CADM2: variants seen among roughly 807,000 people sequenced by gnomAD.
CADM2 encodes the protein immunoglobulin superfamily member 4D.
A neutral mutation model predicts 49.8 loss-of-function variants in CADM2; 12 were observed. That is an observed-to-expected ratio of 0.24 (90% CI 0.15 to 0.39). CADM2 has a LOEUF of 0.39. Among genes scored for constraint, CADM2 ranks in the 10% least tolerant of loss-of-function variants. The pLI, the probability that CADM2 is intolerant of heterozygous loss-of-function variation, is 1.00. For missense variants in CADM2, 378 were observed against 492.3 expected (o/e 0.77, Z 2.20); for synonymous variants, 214 against 175.4 (o/e 1.22, Z -1.74).
intron 8 of CADM2, among the ~76,000 whole-genome samples, chr3:86,016,490 G>C (rs1293811367): frequency 1.3e-5 from 2 of 152,102 alleles, no homozygotes; most frequent in Non-Finnish European, 2.9e-5. Context: ...TGAAATAAGA[G>C]GAAAATATAA....
chr3:85,413,862 G>C (rs2035790891), intron 1 of CADM2, among the ~76,000 whole-genome samples: 1 of 151,216 alleles, frequency 6.6e-6, no homozygotes, highest in African/African-American at 2.5e-5. Context: ...AAACTGGCTA[G>C]CTATTTTAAT....
At chr3:85,817,525 G>A (rs960149800) in intron 3 of CADM2, among the ~76,000 whole-genome samples, 12 of 152,156 alleles carry the variant, frequency 7.9e-5, no homozygotes, top group Non-Finnish European at 1.8e-4. Context: ...CTGTGGGGAT[G>A]ATGATCAGTT....
At chr3:85,459,042 A>G (rs2038120223) in intron 1 of CADM2, among the ~76,000 whole-genome samples, 1 of 152,214 alleles carries the variant, frequency 6.6e-6, no homozygotes, top group Non-Finnish European at 1.5e-5. Flanking sequence ...GTGTTATTGT[A>G]GACCAAATAA....
intron 3 of CADM2, among the ~76,000 whole-genome samples, chr3:85,802,772 G>A (rs1322747070): frequency 6.6e-6 from 1 of 151,984 alleles, no homozygotes; most frequent in African/African-American, 2.4e-5. Context: ...AATAGATTTT[G>A]ATTAAACATT....
At chr3:85,792,018 T>A (rs993513742) in intron 2 of CADM2, among the ~76,000 whole-genome samples, 1 of 152,174 alleles carries the variant, frequency 6.6e-6, no homozygotes, top group Non-Finnish European at 1.5e-5. Context: ...CCACCGCGCC[T>A]GGCCAGTTGA....
intron 1 of CADM2, among the ~76,000 whole-genome samples, chr3:85,043,873 A>G (rs1182854157): frequency 1.3e-5 from 2 of 152,152 alleles, no homozygotes; most frequent in Non-Finnish European, 2.9e-5. Flanking sequence ...AGAAGTATAT[A>G]TGAATGCTAC....
chr3:85,618,877 A>G (rs982417360), intron 1 of CADM2, among the ~76,000 whole-genome samples: 14 of 152,074 alleles, frequency 9.2e-5, no homozygotes, highest in African/African-American at 3.4e-4. Flanking sequence ...AGGAATTTAA[A>G]TAATTATTTT....
chr3:85,238,252 C>T (rs2042453692), intron 1 of CADM2, among the ~76,000 whole-genome samples: 1 of 151,920 alleles, frequency 6.6e-6, no homozygotes, highest in Non-Finnish European at 1.5e-5. Context: ...GCCATATTTA[C>T]ATTCTATAAA....
At chr3:85,779,859 G>T (rs2107988507) in intron 2 of CADM2, among the ~76,000 whole-genome samples, 1 of 152,128 alleles carries the variant, frequency 6.6e-6, no homozygotes, top group Admixed American at 6.6e-5. Flanking sequence ...GTTTTTATTA[G>T]GTGCCTTTAT....
chr3:85,135,313 C>G (rs1051297036), intron 1 of CADM2, among the ~76,000 whole-genome samples: 1 of 151,956 alleles, frequency 6.6e-6, no homozygotes, highest in East Asian at 1.9e-4. Flanking sequence ...ATCATAAATT[C>G]AAAATTCTCT....
At chr3:85,658,333 G>GT (rs2065273002) in intron 1 of CADM2, among the ~76,000 whole-genome samples, 1 of 151,030 alleles carries the variant, frequency 6.6e-6, no homozygotes, top group African/African-American at 2.4e-5. Context: ...ACATGAAACA[G>GT]GTTTTTCTTC....
chr3:85,334,653 G>T (rs1468736060), intron 1 of CADM2, among the ~76,000 whole-genome samples: 1 of 151,476 alleles, frequency 6.6e-6, no homozygotes, highest in South Asian at 2.1e-4. Context: ...ATCTGTTAAA[G>T]AAGATTACAA....
chr3:85,639,260 A>G (rs2064627499), intron 1 of CADM2, among the ~76,000 whole-genome samples: 1 of 152,206 alleles, frequency 6.6e-6, no homozygotes, highest in Non-Finnish European at 1.5e-5. Context: ...TAATAGGTGA[A>G]TGTCTTTGAA....
chr3:85,416,044 G>A (rs1253348281), intron 1 of CADM2, among the ~76,000 whole-genome samples: 1 of 152,018 alleles, frequency 6.6e-6, no homozygotes, highest in Admixed American at 6.6e-5. Flanking sequence ...AAAAAATATT[G>A]AGGTTTTATA....
intron 1 of CADM2, among the ~76,000 whole-genome samples, chr3:85,404,187 A>C (rs1370687970): frequency 6.6e-6 from 1 of 152,086 alleles, no homozygotes; most frequent in Non-Finnish European, 1.5e-5. Context: ...AAAGATTAAA[A>C]ATTTATTGCC....
chr3:84,990,206 G>A (rs142012300), intron 1 of CADM2, among the ~76,000 whole-genome samples: 25 of 151,478 alleles, frequency 1.7e-4, no homozygotes, highest in East Asian at 1.2e-3. Flanking sequence ...AAGACTAAGC[G>A]TATTTACAAT....
chr3:85,007,035 G>A (rs1023354037), intron 1 of CADM2, among the ~76,000 whole-genome samples: 4 of 152,020 alleles, frequency 2.6e-5, no homozygotes, highest in Non-Finnish European at 5.9e-5. Flanking sequence ...TATTTACAGT[G>A]TATTTAGAGC....
chr3:85,557,164 G>A (rs1015943516), intron 1 of CADM2, among the ~76,000 whole-genome samples: 3 of 151,840 alleles, frequency 2.0e-5, no homozygotes, highest in African/African-American at 4.8e-5. Flanking sequence ...ATAAGAATGA[G>A]CTGAAGTGAT....
chr3:85,730,564 T>C (rs1019994518), intron 2 of CADM2, among the ~76,000 whole-genome samples: 3 of 152,190 alleles, frequency 2.0e-5, no homozygotes, highest in Non-Finnish European at 4.4e-5. Context: ...ACATTTGATA[T>C]ACAAGTCTAT....
Sources: gnomAD v4.1 joint callset for allele counts (sites outside exome capture counted in the v4.1 genomes callset) on GRCh38, gnomAD v4.1.1 for gene constraint, MANE v1.5 for transcripts, NCBI Gene and HGNC (gene_info 2026-07-23, HGNC 2026-07-21) for gene names.